Variants in PSMD8 observed in about 807,000 individuals in gnomAD.
The protein encoded by PSMD8 is proteasome 26S subunit, non-ATPase 8, also known as 26S proteasome non-ATPase regulatory subunit 8.
Under a neutral mutation model 40.0 loss-of-function variants are expected in PSMD8, and 30 were observed. That is an observed-to-expected ratio of 0.75 (90% CI 0.56 to 1.02). PSMD8 has a LOEUF of 1.02. PSMD8 is among the 50% of genes least tolerant of loss of function. The pLI is 0.00. For missense variants in PSMD8, 461 were observed against 463.9 expected, an observed-to-expected ratio of 0.99 and a Z score of 0.06; for synonymous variants, 208 against 192.5, an observed-to-expected ratio of 1.08 and a Z score of -0.67.
intron 1 of PSMD8, chr19:38,375,233 A>G (rs1398761156): frequency 5.9e-6 from 3 of 507,622 alleles, no homozygotes; most frequent in Non-Finnish European, 1.0e-5. Context: ...GCTTGAGCCC[A>G]GGAGTTCAAG....
At chr19:38,383,128 C>G (rs1017854151) in intron 6 of PSMD8, 125 bp from the exon 7 acceptor site, 1 of 1,249,614 alleles carries the variant, frequency 8.0e-7, no homozygotes, top group East Asian at 2.5e-5. Flanking sequence ...TGTCAAGGGT[C>G]GTTGGGCAGA....
chr19:38,376,479 T>C (rs1000594222), intron 3 of PSMD8, 25 bp downstream of exon 3: 2 of 1,520,518 alleles, frequency 1.3e-6, no homozygotes, highest in African/African-American at 1.4e-5. Flanking sequence ...TGCCCCCAAC[T>C]GGGGGGGTGG....
chr19:38,378,693 C>G (rs1452655913), intron 3 of PSMD8, among the ~76,000 whole-genome samples: 2 of 150,538 alleles, frequency 1.3e-5, no homozygotes, highest in African/African-American at 4.9e-5. Context: ...GTGGCTCATA[C>G]CTGTAATCCA....
chr19:38,382,359 C>A, intron 6 of PSMD8, 131 bp downstream of exon 6: 1 of 727,086 alleles, frequency 1.4e-6, no homozygotes. Flanking sequence ...TCTAGGCAAG[C>A]TGCCAAAGCT....
chr19:38,376,360 C>T lies in PSMD8; in HGVS notation c.442C>T (p.Leu148=), dbSNP rs545111124. The change falls in exon 3 of 7, where the codon CTG becomes TTG. Residue 148 remains leucine, a synonymous_variant. Transcript: ENST00000215071. Reference sequence around the variant, plus strand: ...CACTCTGTCACCCACAGGTGACATACTGGAGATCGGGGCCCAATGGAGCAT... The same window carrying T: ...CACTCTGTCACCCACAGGTGACATATTGGAGATCGGGGCCCAATGGAGCAT... ...KQQLILARDI[L]EIGAQWSILR... is the part of the protein sequence containing the mutation. 1.9e-5 allele frequency: 30 copies of T among 1,552,072 alleles called. No individual in the cohort carries two copies. Among genetic ancestry groups the T allele is most frequent in the South Asian group, 1.9e-4 (16 of 84,108 alleles).
chr19:38,383,137 G>T, intron 6 of PSMD8, 116 bp from the exon 7 acceptor site: 1 of 1,373,290 alleles, frequency 7.3e-7, no homozygotes, highest in Non-Finnish European at 1.0e-6. Context: ...TCGTTGGGCA[G>T]AGTACGATTG....
chr19:38,382,809 G>C (rs1970653189), intron 6 of PSMD8: 1 of 176,742 alleles, frequency 5.7e-6, no homozygotes, highest in South Asian at 1.3e-4. Context: ...TACTCGGGAG[G>C]CTGAGGCAGG....
In PSMD8 at chr19:38,383,722, T is replaced by C. The variant is rs940577427; in HGVS notation, c.*332T>C. The C allele has an allele frequency of 7.0e-5, 21 of 299,240 alleles. 1 individual carries two copies. Among genetic ancestry groups the C allele is most frequent in the African/African-American group, 3.3e-4 (16 of 48,062 alleles). The allele number at this position is 299,240 out of a possible 1,614,324, so 18.5% of individuals were successfully genotyped here. ...ACTGTTCTAGCCAGCTGTGGACACA[T>C]AGGAATGCTGGACCAGGGTACCAGA... On this transcript the variant is annotated 3_prime_UTR_variant, in exon 7 of 7. Coordinates refer to ENST00000215071, the MANE Select transcript of PSMD8 (RefSeq NM_002812.5).
At chr19:38,375,149 G>A in intron 1 of PSMD8, 188 bp downstream of exon 1, 1 of 994,104 alleles carries the variant, frequency 1.0e-6, no homozygotes. Context: ...GTCAAGAAGC[G>A]AGAGAGGGAC....
rs1483872643 is a variant in PSMD8, at chr19:38,382,167, C to T, written c.854C>T (p.Thr285Ile). 1.3e-6 allele frequency: 2 copies of T among 1,594,098 alleles called. No homozygotes were observed. Among genetic ancestry groups the T allele is most frequent in the Non-Finnish European group, 1.7e-6 (2 of 1,170,784 alleles). Residue 285 changes from threonine to isoleucine, a missense_variant, in exon 6 of 7, where the codon ACT becomes ATT. By Grantham distance (89) the Thr-to-Ile change is moderately conservative. Coordinates refer to ENST00000215071, the MANE Select transcript of PSMD8 (RefSeq NM_002812.5). Reference protein sequence around the residue: ...IEKAYEKILFTEATRILFFNT... With the variant: ...IEKAYEKILFIEATRILFFNT... ...AAGGCCTACGAGAAAATCCTTTTCA[C>T]TGAGGCCACCCGGATCCTCTTCTTC...
At chr19:38,382,653 T>TC (rs1970651759) in intron 6 of PSMD8, 1 of 292,950 alleles carries the variant, frequency 3.4e-6, no homozygotes, top group Non-Finnish European at 6.3e-6. Context: ...TCCTCCCACC[T>TC]AGGCTCACTC....
intron 1 of PSMD8, 114 bp from the exon 2 acceptor site, chr19:38,376,046 C>A: frequency 9.5e-7 from 1 of 1,050,764 alleles, no homozygotes; most frequent in South Asian, 1.4e-5. Flanking sequence ...CCTCATGAGT[C>A]TGGATGATGG....
chr19:38,381,294 C>T (rs552086415), intron 5 of PSMD8: 19 of 269,168 alleles, frequency 7.1e-5, no homozygotes, highest in Admixed American at 5.1e-4. Context: ...GCCCATCTTC[C>T]GTCCTAGATA....
chr19:38,383,228 G>A (rs766061859), intron 6 of PSMD8, 25 bp from the exon 7 acceptor site: 13 of 1,611,826 alleles, frequency 8.1e-6, no homozygotes, highest in Middle Eastern at 4.4e-4. Context: ...CACTCTACTC[G>A]TCTCTAATCC....
intron 2 of PSMD8, 23 bp downstream of exon 2, chr19:38,376,255 G>T (rs1431476436): frequency 2.5e-6 from 4 of 1,578,464 alleles, no homozygotes; most frequent in East Asian, 2.3e-5. Context: ...GGGGTTGGTT[G>T]GGGGTGATAA....
chr19:38,381,183 G>A, intron 5 of PSMD8, 184 bp downstream of exon 5: 1 of 551,256 alleles, frequency 1.8e-6, no homozygotes, highest in South Asian at 2.4e-5. Context: ...GTGGATAACG[G>A]CTCTCATCTC....
intron 2 of PSMD8, 57 bp from the exon 3 acceptor site, chr19:38,376,295 T>C (rs1265268678): frequency 3.3e-6 from 5 of 1,536,096 alleles, no homozygotes; most frequent in Non-Finnish European, 3.5e-6. Context: ...ATGGTAGCAC[T>C]GGTGGTTGGG....
At chr19:38,376,882 T>G (rs1970602537) in intron 3 of PSMD8, among the ~76,000 whole-genome samples, 1 of 152,236 alleles carries the variant, frequency 6.6e-6, no homozygotes. Flanking sequence ...CACACCCCTC[T>G]GCCTGTGCCT....
chr19:38,379,421 G>T lies in PSMD8; in HGVS notation c.702+16G>T. On this transcript the variant is annotated intron_variant, in intron 4 of 6. Coordinates refer to ENST00000215071, the MANE Select transcript of PSMD8 (RefSeq NM_002812.5). ...CCTGGAGCAAGTGAGATGGCAAGGGGCAGGGGAGGACCTGGCCAAAGTGGG... is the reference window on the plus strand; with the variant it reads ...CCTGGAGCAAGTGAGATGGCAAGGGTCAGGGGAGGACCTGGCCAAAGTGGG... The T allele has an allele frequency of 6.2e-7, 1 of 1,613,328 alleles. No homozygotes were observed. Among genetic ancestry groups the T allele is most frequent in the South Asian group, 1.1e-5 (1 of 91,054 alleles).
Sources: gnomAD v4.1 joint callset for allele counts (sites outside exome capture counted in the v4.1 genomes callset) on GRCh38, gnomAD v4.1.1 for gene constraint, MANE v1.5 for transcripts, NCBI Gene and HGNC (gene_info 2026-07-23, HGNC 2026-07-21) for gene names.